The following NSMAF variants were observed in gnomAD, a reference collection of about 807,000 sequenced individuals.
NSMAF encodes the protein neutral sphingomyelinase activation associated factor.
In NSMAF, 90 loss-of-function variants were observed where a neutral mutation model predicts 134.9. That is an observed-to-expected ratio of 0.67 (90% CI 0.56 to 0.79). The LOEUF is 0.79. NSMAF is among the 30% of genes least tolerant of loss of function. The pLI is 0.00. For missense variants in NSMAF, 1,010 were observed against 1,119.0 expected (o/e 0.90, Z 1.39); for synonymous variants, 358 against 389.6 (o/e 0.92, Z 0.96).
At position 58,605,956 on chromosome 8, in the gene NSMAF, T is replaced by C; in HGVS notation, c.839A>G (p.Asp280Gly). ...GTATGTGGCAATGTAAAAATAGAGA[T>C]CATCTCTATCTTGAGGTTCATAGAA... is the stretch of plus-strand genomic sequence containing the variant. The part of the protein sequence containing the change: ...LKFYEPQDRD[D>G]LYFYIATYLE... Residue 280 changes from aspartate (D) to glycine (G), a missense_variant, in exon 12 of 31, where the codon GAT becomes GGT. Transcript: ENST00000038176. The C allele has an allele frequency of 6.3e-7, 1 of 1,590,604 alleles. No homozygotes were observed. Among genetic ancestry groups the C allele is most frequent in the Non-Finnish European group, 8.5e-7 (1 of 1,171,854 alleles).
intron 6 of NSMAF, 115 bp downstream of exon 6, chr8:58,631,381 G>A: frequency 1.9e-6 from 1 of 523,624 alleles, no homozygotes; most frequent in Non-Finnish European, 3.3e-6. Flanking sequence ...CAGGTAAGAA[G>A]CTTTTAAATA....
At chr8:58,659,477 C>G in intron 1 of NSMAF, 96 bp downstream of exon 1, 1 of 1,494,252 alleles carries the variant, frequency 6.7e-7, no homozygotes, top group Non-Finnish European at 8.9e-7. Context: ...TGCCCGGCCC[C>G]CACGCCGCCT....
chr8:58,655,236 G>T lies in NSMAF; in HGVS notation c.59+4337C>A, dbSNP rs138928312. Among the ~76,000 whole-genome samples, 1,341 of 152,004 alleles carry T rather than the reference G, an allele frequency of 8.8e-3. 21 individuals are homozygous for T. The highest frequency in any genetic ancestry group is 0.03 in the African/African-American group (1,262 of 41,470). On this transcript the variant is annotated intron_variant, in intron 1 of 30. Transcript: ENST00000038176. ...ATCTTTGTGCCTTGGCCTCCCAAAGGGCTGGGATTACAAGTGTAAGCCATG... is the reference window on the plus strand; with the variant it reads ...ATCTTTGTGCCTTGGCCTCCCAAAGTGCTGGGATTACAAGTGTAAGCCATG...
At chr8:58,645,241 C>T (rs1449831288) in intron 1 of NSMAF, among the ~76,000 whole-genome samples, 1 of 151,030 alleles carries the variant, frequency 6.6e-6, no homozygotes, top group Non-Finnish European at 1.5e-5. Flanking sequence ...AACCATACTG[C>T]ACTCTGGCAT....
chr8:58,590,721 G>A (rs1806002086), intron 24 of NSMAF, 146 bp downstream of exon 24: 1 of 827,090 alleles, frequency 1.2e-6, no homozygotes, highest in Non-Finnish European at 1.7e-6. Context: ...ATTGAAATTA[G>A]AAGTAATCTA....
intron 5 of NSMAF, 137 bp downstream of exon 5, chr8:58,635,052 T>A: frequency 1.4e-6 from 1 of 697,772 alleles, no homozygotes; most frequent in Non-Finnish European, 2.4e-6. Flanking sequence ...AAAACTATAT[T>A]TCTCAATGAC....
intron 21 of NSMAF, 37 bp from the exon 22 acceptor site, chr8:58,595,696 AAGT>A (rs1459326209): frequency 7.7e-7 from 1 of 1,293,740 alleles, no homozygotes; most frequent in African/African-American, 1.5e-5. Flanking sequence ...TAAGTCAACT[AAGT>A]TACCAACAGA....
In NSMAF at chr8:58,583,815, C is replaced by T. The variant is rs1805822875; in HGVS notation, c.*291G>A. The T allele has an allele frequency of 2.9e-6, 1 of 348,194 alleles. No individual in the cohort carries two copies. The highest frequency in any genetic ancestry group is 4.8e-5 in the Admixed American group (1 of 20,684). The allele number at this position is 348,194 out of a possible 1,614,324, so 21.6% of individuals were successfully genotyped here. Reference sequence around the variant, plus strand: ...TTCCCCAGCCCAATTTATCTCTTAGCTATTCTCTGCTACTTAGTCCTGTCT... The same window carrying T: ...TTCCCCAGCCCAATTTATCTCTTAGTTATTCTCTGCTACTTAGTCCTGTCT... On this transcript the variant is annotated 3_prime_UTR_variant, in exon 31 of 31. Coordinates refer to ENST00000038176, the MANE Select transcript of NSMAF (RefSeq NM_003580.4).
At chr8:58,652,184 G>C (rs969457224) in intron 1 of NSMAF, among the ~76,000 whole-genome samples, 1 of 152,074 alleles carries the variant, frequency 6.6e-6, no homozygotes, top group African/African-American at 2.4e-5. Context: ...TATCTAGACA[G>C]CAAAAAACTA....
chr8:58,649,393 T>C (rs72647462), intron 1 of NSMAF, among the ~76,000 whole-genome samples: 21 of 152,270 alleles, frequency 1.4e-4, no homozygotes, highest in Non-Finnish European at 2.6e-4. Context: ...ACTTAGGACT[T>C]TGGACTTGAT....
intron 21 of NSMAF, among the ~76,000 whole-genome samples, chr8:58,596,925 C>T (rs550935054): frequency 7.1e-6 from 1 of 141,084 alleles, no homozygotes; most frequent in African/African-American, 2.8e-5. Context: ...AGCAAGACTC[C>T]GTCTCAAAAA....
At chr8:58,655,177 G>C (rs1432083952) in intron 1 of NSMAF, among the ~76,000 whole-genome samples, 1 of 152,012 alleles carries the variant, frequency 6.6e-6, no homozygotes, top group Admixed American at 6.6e-5. Flanking sequence ...TCCCTATGTT[G>C]CCCAGGCTGG....
intron 5 of NSMAF, among the ~76,000 whole-genome samples, chr8:58,632,105 T>C (rs1842099554): frequency 6.6e-6 from 1 of 152,132 alleles, no homozygotes; most frequent in Non-Finnish European, 1.5e-5. Context: ...GGAAGTTACC[T>C]GAGCTCTCAA....
chr8:58,638,360 CAAG>C (rs1807251695), intron 2 of NSMAF, among the ~76,000 whole-genome samples: 1 of 152,028 alleles, frequency 6.6e-6, no homozygotes. Flanking sequence ...TAATCTTGAA[CAAG>C]AAGAACAAAA....
chr8:58,659,305 G>A, intron 1 of NSMAF: 1 of 1,525,518 alleles, frequency 6.6e-7, no homozygotes, highest in South Asian at 1.2e-5. Flanking sequence ...GGATAGCTCG[G>A]CATGCCTCGG....
Position 58,606,043 on chromosome 8 carries a change from T to A in NSMAF, c.760-8A>T, listed in dbSNP as rs1321464896. 7 of 1,378,584 alleles carry A rather than the reference T, an allele frequency of 5.1e-6. 1 individual carries two copies. Among genetic ancestry groups the A allele is most frequent in the Admixed American group, 2.1e-5 (1 of 46,884 alleles). 85.4% of individuals were successfully genotyped at this position (1,378,584 alleles called of 1,614,324 possible). On this transcript the variant is annotated splice_polypyrimidine_tract_variant and splice_region_variant and intron_variant, in intron 11 of 30. Coordinates refer to ENST00000038176, the MANE Select transcript of NSMAF (RefSeq NM_003580.4). ...GCAAAATACTTCCAAGCCCTATAAA[T>A]TCAAAAAGAAAATAATAAAATAAAT...
chr8:58,640,095 G>T (rs1563542406), intron 2 of NSMAF: 1 of 455,402 alleles, frequency 2.2e-6, no homozygotes. Flanking sequence ...CATTATCCAG[G>T]ATAAGTTCTG....
chr8:58,635,442 T>C (rs1446922744), intron 3 of NSMAF, 26 bp downstream of exon 3: 7 of 1,569,602 alleles, frequency 4.5e-6, no homozygotes. Context: ...TAGGAATGTT[T>C]CTGTTCATAT....
At chr8:58,606,556 C>CA (rs1446541552) in intron 11 of NSMAF, among the ~76,000 whole-genome samples, 1 of 152,190 alleles carries the variant, frequency 6.6e-6, no homozygotes, top group East Asian at 1.9e-4. Context: ...GCTAAGGCTA[C>CA]AGGCGCACCA....
Sources: allele counts gnomAD v4.1 joint callset (sites outside exome capture counted in the v4.1 genomes callset), GRCh38; gene constraint gnomAD v4.1.1; transcripts MANE v1.5; gene names NCBI Gene and HGNC (gene_info 2026-07-23, HGNC 2026-07-21).